The following SOCS2 variants were observed in gnomAD, a reference collection of about 807,000 sequenced individuals.
The protein encoded by SOCS2 is suppressor of cytokine signaling 2.
In SOCS2, 10 loss-of-function variants were observed where a neutral mutation model predicts 18.6. The observed-to-expected ratio is 0.54, with a 90% CI of 0.33 to 0.91. The LOEUF (loss-of-function observed/expected upper bound fraction) is 0.91, where lower values mean the gene tolerates loss of function less well. Among genes scored for constraint, SOCS2 ranks in the 40% least tolerant of loss-of-function variants. The probability of loss-of-function intolerance (pLI) is 0.02; values close to 1 mark genes in which losing one functional copy is unlikely to be tolerated. For synonymous variants in SOCS2, 104 were observed against 104.0 expected, an observed-to-expected ratio of 1.00 and a Z score of 0.00; for missense variants, 231 against 247.2, an observed-to-expected ratio of 0.93 and a Z score of 0.44.
At chr12:93,596,657 G>A in the SOCS2 span, among the ~76,000 whole-genome samples, 6 of 152,150 alleles carry the variant, frequency 3.9e-5, no homozygotes, top group South Asian at 4.1e-4. Context: ...GCAAAACTCC[G>A]TCTCTACTAA....
downstream of SOCS2, among the ~76,000 whole-genome samples, chr12:93,577,576 A>T (rs902499950): frequency 1.3e-5 from 2 of 151,296 alleles, no homozygotes; most frequent in Admixed American, 1.3e-4. Context: ...GCTGCTGAAA[A>T]TTTCTACATT....
chr12:93,617,996 A>C, the SOCS2 span, among the ~76,000 whole-genome samples: 57 of 152,192 alleles, frequency 3.7e-4, 1 homozygote, highest in Admixed American at 2.3e-3. Context: ...ATCTGGTGGA[A>C]GATGATTGGA....
At chr12:93,570,674 C>G (rs543569890), upstream of SOCS2, 34 of 152,406 alleles carry the variant, frequency 2.2e-4, no homozygotes, top group Admixed American at 2.6e-4. Flanking sequence ...GGGTAGGGGG[C>G]AGGCTCCGGC....
At chr12:93,588,349 T>C (rs1954596701), downstream of SOCS2, among the ~76,000 whole-genome samples, 2 of 152,248 alleles carry the variant, frequency 1.3e-5, no homozygotes, top group African/African-American at 4.8e-5. Flanking sequence ...AAAGAACATA[T>C]ATAACTGTGT....
At chr12:93,617,220 T>C in the SOCS2 span, among the ~76,000 whole-genome samples, 2 of 152,194 alleles carry the variant, frequency 1.3e-5, no homozygotes, top group East Asian at 3.9e-4. Flanking sequence ...CTGTTCCTGG[T>C]GGGAATCCCA....
At chr12:93,589,431 T>C in the SOCS2 span, among the ~76,000 whole-genome samples, 1 of 152,248 alleles carries the variant, frequency 6.6e-6, no homozygotes, top group African/African-American at 2.4e-5. Flanking sequence ...AAAATCCATA[T>C]GCTTGGGCTT....
At chr12:93,610,665 T>G in the SOCS2 span, among the ~76,000 whole-genome samples, 1 of 152,174 alleles carries the variant, frequency 6.6e-6, no homozygotes, top group Non-Finnish European at 1.5e-5. Context: ...GGGAGTGCCC[T>G]AGTCCGTTTT....
chr12:93,586,022 G>A (rs1168421800), downstream of SOCS2, among the ~76,000 whole-genome samples: 2 of 151,990 alleles, frequency 1.3e-5, no homozygotes, highest in East Asian at 3.9e-4. Context: ...TTATTTATTA[G>A]TATTGTATTG....
At chr12:93,573,829 C>G (rs1283563755) in intron 1 of SOCS2, 1 of 149,864 alleles carries the variant, frequency 6.7e-6, no homozygotes, top group Non-Finnish European at 1.5e-5. Flanking sequence ...GGGGAGGCAC[C>G]GGCAGATTGC....
the SOCS2 span, among the ~76,000 whole-genome samples, chr12:93,594,146 C>T: frequency 6.6e-6 from 1 of 152,136 alleles, no homozygotes; most frequent in Non-Finnish European, 1.5e-5. Flanking sequence ...AAGGGAAGAA[C>T]AAATCGGTTT....
At chr12:93,620,426 T>C in the SOCS2 span, among the ~76,000 whole-genome samples, 3 of 151,694 alleles carry the variant, frequency 2.0e-5, no homozygotes, top group Non-Finnish European at 4.4e-5. Context: ...TTTTCTCTTT[T>C]TTTTTTGAGA....
chr12:93,573,833 A>G (rs1356884097), intron 1 of SOCS2: 8 of 151,796 alleles, frequency 5.3e-5, no homozygotes, highest in African/African-American at 1.9e-4. Context: ...AGGCACCGGC[A>G]GATTGCAAGT....
chr12:93,595,003 C>G, the SOCS2 span, among the ~76,000 whole-genome samples: 1 of 152,086 alleles, frequency 6.6e-6, no homozygotes, highest in Admixed American at 6.6e-5. Flanking sequence ...GCCTTGACTT[C>G]CTTACGTTTG....
the SOCS2 span, among the ~76,000 whole-genome samples, chr12:93,588,853 C>T: frequency 6.6e-6 from 1 of 152,050 alleles, no homozygotes; most frequent in Non-Finnish European, 1.5e-5. Context: ...AACTCCTGAC[C>T]TCAGGTGATC....
the SOCS2 span, among the ~76,000 whole-genome samples, chr12:93,612,438 A>G: frequency 3.3e-5 from 5 of 151,746 alleles, no homozygotes; most frequent in Non-Finnish European, 7.4e-5. Flanking sequence ...GTCATTCCAT[A>G]TTTACAACTC....
chr12:93,621,562 G>A, the SOCS2 span, among the ~76,000 whole-genome samples: 10 of 152,060 alleles, frequency 6.6e-5, no homozygotes, highest in Non-Finnish European at 1.3e-4. Flanking sequence ...CTGCAGCCTC[G>A]AACGGTCAGG....
At chr12:93,604,950 C>A in the SOCS2 span, among the ~76,000 whole-genome samples, 2 of 151,042 alleles carry the variant, frequency 1.3e-5, no homozygotes, top group African/African-American at 4.9e-5. Flanking sequence ...GTGTCAGCCA[C>A]TGTGCCGGCC....
At position 93,573,016 on chromosome 12, in the gene SOCS2, T is replaced by C; in HGVS notation, c.119T>C (p.Leu40Pro). 6.4e-7 allele frequency: 1 copy of C among 1,567,796 alleles called. No individual in the cohort carries two copies. Among genetic ancestry groups the C allele is most frequent in the Non-Finnish European group, 8.6e-7 (1 of 1,160,250 alleles). ...SPQAARLAKA[L>P]RELGQTGWYW... is the part of the protein sequence containing the mutation. Reference sequence around the variant, plus strand: ...CAGGCGGCGCGTCTGGCGAAGGCCCTGCGGGAGCTCGGTCAGACAGGTAGG... The same window carrying C: ...CAGGCGGCGCGTCTGGCGAAGGCCCCGCGGGAGCTCGGTCAGACAGGTAGG... The change falls in exon 1 of 2, where the codon CTG (leucine) becomes CCG (proline). Residue 40 changes from leucine (L) to proline (P), a missense_variant. Transcript: ENST00000551556.
the SOCS2 span, among the ~76,000 whole-genome samples, chr12:93,596,222 A>G: frequency 1.3e-5 from 2 of 152,236 alleles, no homozygotes; most frequent in African/African-American, 4.8e-5. Context: ...TGCACTTTAC[A>G]TACATTATTT....
Sources: gnomAD v4.1 joint callset for allele counts (sites outside exome capture counted in the v4.1 genomes callset) on GRCh38, gnomAD v4.1.1 for gene constraint, MANE v1.5 for transcripts, NCBI Gene and HGNC (gene_info 2026-07-23, HGNC 2026-07-21) for gene names.